Variants in LYPLAL1 observed in about 807,000 individuals in gnomAD.
LYPLAL1 encodes lysophospholipase-like protein 1.
Under a neutral mutation model 19.7 loss-of-function variants are expected in LYPLAL1, and 23 were observed. The observed-to-expected ratio is 1.17, with a 90% CI of 0.84 to 1.65. The LOEUF (loss-of-function observed/expected upper bound fraction) is 1.65, where lower values mean the gene tolerates loss of function less well. Among genes scored for constraint, LYPLAL1 ranks in the 40% most tolerant of loss-of-function variants. The probability of loss-of-function intolerance (pLI) is 0.00; values close to 1 mark genes in which losing one functional copy is unlikely to be tolerated. For synonymous variants in LYPLAL1, 119 were observed against 96.3 expected, an observed-to-expected ratio of 1.24 and a Z score of -1.38; for missense variants, 355 against 279.4, an observed-to-expected ratio of 1.27 and a Z score of -1.93.
chr1:219,264,530 C>A, the LYPLAL1 span, among the ~76,000 whole-genome samples: 1 of 152,176 alleles, frequency 6.6e-6, no homozygotes, highest in African/African-American at 2.4e-5. Context: ...GGCTTTATGC[C>A]TATGAATCTA....
the LYPLAL1 span, among the ~76,000 whole-genome samples, chr1:219,348,841 C>G: frequency 2.0e-5 from 3 of 152,068 alleles, no homozygotes; most frequent in South Asian, 2.1e-4. Context: ...CATCCTGTCT[C>G]TAATGGCAAA....
chr1:219,412,133 C>G, the LYPLAL1 span, among the ~76,000 whole-genome samples: 1 of 152,168 alleles, frequency 6.6e-6, no homozygotes, highest in Non-Finnish European at 1.5e-5. Flanking sequence ...ACCGCAGCCT[C>G]AAACTCCTGG....
intron 3 of LYPLAL1, among the ~76,000 whole-genome samples, chr1:219,201,830 C>T (rs573390386): frequency 6.6e-6 from 1 of 152,208 alleles, no homozygotes; most frequent in African/African-American, 2.4e-5. Context: ...TGTGACAAAA[C>T]ATTAGTGCTA....
chr1:219,363,744 A>G, the LYPLAL1 span, among the ~76,000 whole-genome samples: 1 of 152,172 alleles, frequency 6.6e-6, no homozygotes, highest in Non-Finnish European at 1.5e-5. Context: ...TGACCTGCTG[A>G]GGCAGACTCT....
chr1:219,246,128 T>C, the LYPLAL1 span, among the ~76,000 whole-genome samples: 2 of 152,140 alleles, frequency 1.3e-5, no homozygotes, highest in African/African-American at 4.8e-5. Context: ...CCTGGTTTTG[T>C]GCCCCATCTT....
the LYPLAL1 span, among the ~76,000 whole-genome samples, chr1:219,325,288 T>A: frequency 6.6e-6 from 1 of 152,300 alleles, no homozygotes; most frequent in African/African-American, 2.4e-5. Context: ...ACAAGATTTG[T>A]CATATAGATT....
chr1:219,258,282 C>A, the LYPLAL1 span, among the ~76,000 whole-genome samples: 9 of 152,058 alleles, frequency 5.9e-5, no homozygotes, highest in Non-Finnish European at 1.3e-4. Flanking sequence ...TGTACATCCT[C>A]AGCTTACAAA....
chr1:219,293,928 C>T, the LYPLAL1 span, among the ~76,000 whole-genome samples: 2 of 152,206 alleles, frequency 1.3e-5, no homozygotes, highest in Admixed American at 6.5e-5. Flanking sequence ...GTCCCCCAAG[C>T]TTATTCAGTC....
the LYPLAL1 span, among the ~76,000 whole-genome samples, chr1:219,365,319 A>G: frequency 6.6e-6 from 1 of 152,162 alleles, no homozygotes. Context: ...ACACTTTCAT[A>G]TGTGGATTAA....
the LYPLAL1 span, among the ~76,000 whole-genome samples, chr1:219,417,794 G>A: frequency 3.3e-5 from 5 of 152,236 alleles, no homozygotes; most frequent in African/African-American, 1.2e-4. Flanking sequence ...GAATCATACG[G>A]CAAAGTGCAG....
At chr1:219,313,631 T>G in the LYPLAL1 span, among the ~76,000 whole-genome samples, 2 of 151,600 alleles carry the variant, frequency 1.3e-5, no homozygotes, top group Non-Finnish European at 2.9e-5. Context: ...TACTTCCGGG[T>G]TCATGTGATT....
the LYPLAL1 span, among the ~76,000 whole-genome samples, chr1:219,314,778 A>T: frequency 2.0e-5 from 3 of 152,198 alleles, no homozygotes; most frequent in African/African-American, 7.2e-5. Flanking sequence ...ATATATTGTG[A>T]ATCTTGAGCT....
the LYPLAL1 span, among the ~76,000 whole-genome samples, chr1:219,268,985 T>C: frequency 6.6e-6 from 1 of 152,250 alleles, no homozygotes; most frequent in Non-Finnish European, 1.5e-5. Context: ...TCATTGTAAT[T>C]AAACCCCCTT....
downstream of LYPLAL1, among the ~76,000 whole-genome samples, chr1:219,214,255 A>C (rs1234926519): frequency 6.6e-6 from 1 of 152,052 alleles, no homozygotes; most frequent in African/African-American, 2.4e-5. Flanking sequence ...ATTTTTATAT[A>C]TTGCTGAATT....
the LYPLAL1 span, among the ~76,000 whole-genome samples, chr1:219,363,038 C>T: frequency 3.3e-5 from 5 of 152,200 alleles, no homozygotes; most frequent in Admixed American, 6.5e-5. Flanking sequence ...ATTGTGCCTA[C>T]ACAATACCAC....
At chr1:219,380,149 A>G in the LYPLAL1 span, among the ~76,000 whole-genome samples, 1 of 152,256 alleles carries the variant, frequency 6.6e-6, no homozygotes, top group Non-Finnish European at 1.5e-5. Flanking sequence ...TAAAGCCCAG[A>G]GGAGTTAAAT....
the LYPLAL1 span, among the ~76,000 whole-genome samples, chr1:219,304,924 G>A: frequency 1.3e-5 from 2 of 152,196 alleles, no homozygotes; most frequent in African/African-American, 4.8e-5. Flanking sequence ...AGTACTGCAG[G>A]TTTCAAAAAT....
the LYPLAL1 span, among the ~76,000 whole-genome samples, chr1:219,293,621 T>C: frequency 4.6e-5 from 7 of 152,260 alleles, no homozygotes; most frequent in Admixed American, 2.0e-4. Flanking sequence ...AATTTGTCTT[T>C]GGAAGGCTGA....
the LYPLAL1 span, among the ~76,000 whole-genome samples, chr1:219,334,834 G>A: frequency 6.6e-6 from 1 of 151,698 alleles, no homozygotes; most frequent in African/African-American, 2.4e-5. Context: ...AACTCTTGTT[G>A]TATTAACCTA....
Sources: gnomAD v4.1 joint callset for allele counts (sites outside exome capture counted in the v4.1 genomes callset) on GRCh38, gnomAD v4.1.1 for gene constraint, MANE v1.5 for transcripts, NCBI Gene and HGNC (gene_info 2026-07-23, HGNC 2026-07-21) for gene names.